SIGLEC6: variants seen among roughly 807,000 people sequenced by gnomAD.
The protein encoded by SIGLEC6 is sialic acid binding Ig like lectin 6, also known as sialic acid-binding Ig-like lectin 6.
SIGLEC6 carries 31 observed loss-of-function variants against 41.4 expected under a neutral mutation model. That is an observed-to-expected ratio of 0.75 (90% CI 0.56 to 1.01). SIGLEC6 has a LOEUF of 1.01. SIGLEC6 is among the 50% of genes least tolerant of loss of function. The probability of loss-of-function intolerance (pLI) is 0.00; values close to 1 mark genes in which losing one functional copy is unlikely to be tolerated. For synonymous variants in SIGLEC6, 217 were observed against 231.0 expected (o/e 0.94, Z 0.55); for missense variants, 555 against 558.6 (o/e 0.99, Z 0.06).
rs781633322 is a variant in SIGLEC6, at chr19:51,529,626, G to A, written c.1012+98C>T. The A allele has an allele frequency of 3.3e-6, 5 of 1,503,714 alleles. No homozygotes were observed. In the African/African-American group the frequency reaches 4.1e-5, roughly 12 times the overall value. The allele number at this position is 1,503,714 out of a possible 1,614,324, so 93.1% of individuals were successfully genotyped here. ...GGGTCCCAGCAGTTGTGAGGGGTCTGGGGAGGGAGGACAGGACTTAGCAGG... is the reference window on the plus strand; with the variant it reads ...GGGTCCCAGCAGTTGTGAGGGGTCTAGGGAGGGAGGACAGGACTTAGCAGG... On this transcript the variant is annotated intron_variant, in intron 5 of 7. Transcript: ENST00000425629.
chr19:51,523,971 T>C (rs575071847), intron 7 of SIGLEC6, among the ~76,000 whole-genome samples: 95 of 151,880 alleles, frequency 6.3e-4, no homozygotes, highest in Non-Finnish European at 2.8e-4. Flanking sequence ...TGCCGTGAGC[T>C]GAGATCGTGC....
rs372477252 is a variant in SIGLEC6, at chr19:51,529,845, G to A, written c.891C>T (p.Pro297=). The A allele has an allele frequency of 1.9e-6, 3 of 1,614,050 alleles. No individual in the cohort carries two copies. Among genetic ancestry groups the A allele is most frequent in the African/African-American group, 2.7e-5 (2 of 74,892 alleles). ...GCTCCAGGACCCCGGTATTGGAGATGGGGGTGGCGTTCAGGGCGGGGAAGC... is the reference window on the plus strand; with the variant it reads ...GCTCCAGGACCCCGGTATTGGAGATAGGGGTGGCGTTCAGGGCGGGGAAGC... The part of the protein sequence containing the change: ...FQGFPALNAT[P]ISNTGVLELP... The change falls in exon 5 of 8, where the codon CCC becomes CCT. Residue 297 remains proline, a synonymous_variant. Coordinates refer to ENST00000425629, the MANE Select transcript of SIGLEC6 (RefSeq NM_001245.7).
chr19:51,529,849 G>C lies in SIGLEC6; in HGVS notation c.887C>G (p.Thr296Ser), dbSNP rs754875725. ...CAGGACCCCGGTATTGGAGATGGGG[G>C]TGGCGTTCAGGGCGGGGAAGCCCTG... Reference protein sequence around the residue: ...WFQGFPALNATPISNTGVLEL... With the variant: ...WFQGFPALNASPISNTGVLEL... Residue 296 changes from threonine to serine, a missense_variant, in exon 5 of 8, where the codon ACC (threonine) becomes AGC (serine). Coordinates refer to ENST00000425629, the MANE Select transcript of SIGLEC6 (RefSeq NM_001245.7). 6.2e-7 allele frequency: 1 copy of C among 1,614,170 alleles called. No homozygotes were observed. Among genetic ancestry groups the C allele is most frequent in the Non-Finnish European group, 8.5e-7 (1 of 1,180,032 alleles).
chr19:51,523,345 A>G (rs997611157), intron 7 of SIGLEC6, among the ~76,000 whole-genome samples: 2 of 152,192 alleles, frequency 1.3e-5, no homozygotes, highest in African/African-American at 4.8e-5. Context: ...GTGGGACAAT[A>G]TCAAGCATTC....
At chr19:51,529,018 A>G (rs1043455865) in intron 5 of SIGLEC6, among the ~76,000 whole-genome samples, 1 of 149,342 alleles carries the variant, frequency 6.7e-6, no homozygotes, top group Non-Finnish European at 1.5e-5. Flanking sequence ...AAAAAAAAAA[A>G]GGGAAAATGT....
At position 51,519,918 on chromosome 19, in the gene SIGLEC6, G is replaced by A. The variant is rs1019018030; in HGVS notation, c.*164C>T. On this transcript the variant is annotated 3_prime_UTR_variant, in exon 8 of 8. Coordinates refer to ENST00000425629, the MANE Select transcript of SIGLEC6 (RefSeq NM_001245.7). ...AGAGGCCTTAGAAGGGACCAACCCT[G>A]ATAACACCTTGTTCTCAGACCTCTA... 5.5e-5 allele frequency: 30 copies of A among 543,134 alleles called. No homozygotes were observed. The highest frequency in any genetic ancestry group is 5.5e-4 in the African/African-American group (29 of 52,664). 33.6% of individuals were successfully genotyped at this position (543,134 alleles called of 1,614,324 possible).
At chr19:51,526,209 C>T (rs1447336108) in intron 7 of SIGLEC6, among the ~76,000 whole-genome samples, 1 of 152,176 alleles carries the variant, frequency 6.6e-6, no homozygotes, top group East Asian at 1.9e-4. Flanking sequence ...AAACAAAATG[C>T]CTGGGCTCAC....
At position 51,518,605 on chromosome 19, in the gene SIGLEC6, G is replaced by T. The variant is rs1252293474; in HGVS notation, c.*1477C>A. On this transcript the variant is annotated 3_prime_UTR_variant, in exon 8 of 8. Transcript: ENST00000425629. ...TCCACCCACCTCAGCCTCCCAAAGT[G>T]CTGGGATTACAGGCGTGAGCCACTG... Among the ~76,000 whole-genome samples, 3 of 152,212 alleles carry T rather than the reference G, an allele frequency of 2.0e-5. No homozygotes were observed. Among genetic ancestry groups the T allele is most frequent in the Non-Finnish European group, 4.4e-5 (3 of 68,040 alleles).
intron 5 of SIGLEC6, 148 bp downstream of exon 5, chr19:51,529,576 G>T: frequency 1.0e-6 from 1 of 967,668 alleles, no homozygotes; most frequent in Non-Finnish European, 1.5e-6. Context: ...CTGCAGTGTG[G>T]ACTCTAAGCC....
intron 7 of SIGLEC6, among the ~76,000 whole-genome samples, chr19:51,525,988 G>A (rs1420452173): frequency 1.3e-5 from 2 of 151,914 alleles, no homozygotes; most frequent in African/African-American, 4.8e-5. Context: ...GAGGAGCCCA[G>A]TCTCTCTTCC....
chr19:51,528,184 A>G lies in SIGLEC6; in HGVS notation c.1082T>C (p.Phe361Ser). ...CCTGAAGATGAAGCAAACACAGAGG[A>G]AAACCAGGGTTGTGATGCTAGCTCC... Reference protein sequence around the residue: ...VWGASITTLVFLCVCFIFRVK... With the variant: ...VWGASITTLVSLCVCFIFRVK... The change falls in exon 6 of 8, where the codon TTC (phenylalanine) becomes TCC (serine). Residue 361 changes from phenylalanine to serine, a missense_variant. Coordinates refer to ENST00000425629, the MANE Select transcript of SIGLEC6 (RefSeq NM_001245.7). 1.9e-6 allele frequency: 3 copies of G among 1,614,126 alleles called. No homozygotes were observed. The highest frequency in any genetic ancestry group is 2.5e-6 in the Non-Finnish European group (3 of 1,179,996).
intron 3 of SIGLEC6, 68 bp from the exon 4 acceptor site, chr19:51,530,552 C>G (rs778290808): frequency 1.2e-6 from 2 of 1,609,210 alleles, no homozygotes; most frequent in East Asian, 2.2e-5. Flanking sequence ...GCCTTCCCCT[C>G]AGGAGCCATG....
At position 51,520,006 on chromosome 19, in the gene SIGLEC6, T is replaced by C; in HGVS notation, c.*76A>G. The C allele has an allele frequency of 4.0e-6, 5 of 1,262,334 alleles. No homozygotes were observed. The highest frequency in any genetic ancestry group is 5.4e-6 in the Non-Finnish European group (5 of 925,220). The allele number at this position is 1,262,334 out of a possible 1,614,324, so 78.2% of individuals were successfully genotyped here. On this transcript the variant is annotated 3_prime_UTR_variant, in exon 8 of 8. Transcript: ENST00000425629. ...TGTCACTCGGTTTGTGGTACATTGC[T>C]GTGGCAGCCCTAGTAACCAATACAC...
chr19:51,526,007 C>T (rs1194004015), intron 7 of SIGLEC6, among the ~76,000 whole-genome samples: 1 of 152,102 alleles, frequency 6.6e-6, no homozygotes, highest in African/African-American at 2.4e-5. Flanking sequence ...CCCTGTGAGC[C>T]TCCAACCGTT....
intron 5 of SIGLEC6, 155 bp downstream of exon 5, chr19:51,529,569 C>T (rs963969087): frequency 5.7e-6 from 5 of 875,632 alleles, no homozygotes; most frequent in African/African-American, 5.0e-5. Flanking sequence ...GGAGCCACTG[C>T]AGTGTGGACT....
chr19:51,529,879 C>A lies in SIGLEC6; in HGVS notation c.857G>T (p.Trp286Leu). ...ADGNPPAHLS[W>L]FQGFPALNAT... Reference sequence around the variant, plus strand: ...GTTCAGGGCGGGGAAGCCCTGGAACCAGCTCAGGTGTGCAGGGGGGTTGCC... The same window carrying A: ...GTTCAGGGCGGGGAAGCCCTGGAACAAGCTCAGGTGTGCAGGGGGGTTGCC... The change falls in exon 5 of 8, where the codon TGG becomes TTG. Residue 286 changes from tryptophan to leucine, a missense_variant. Physicochemically the swap from Trp to Leu is moderately conservative, Grantham distance 61. Transcript: ENST00000425629. 1 of 1,614,142 alleles carries A rather than the reference C, an allele frequency of 6.2e-7. No individual in the cohort carries two copies. The highest frequency in any genetic ancestry group is 8.5e-7 in the Non-Finnish European group (1 of 1,180,008).
Position 51,519,296 on chromosome 19 carries a change from GAAAAAAAAA to G in SIGLEC6, c.*777_*785del, listed in dbSNP as rs10651662. On this transcript the variant is annotated 3_prime_UTR_variant, in exon 8 of 8. Transcript: ENST00000425629. ...GGAGATACAGCAAGACTCCATCTCA[GAAAAAAAAA>G]AAAAAAAAAAAAGCTAGCCAAAGCC... Among the ~76,000 whole-genome samples the G allele has an allele frequency of 1.1e-5, 1 of 90,752 alleles. No homozygotes were observed. The highest frequency in any genetic ancestry group is 2.0e-5 in the Non-Finnish European group (1 of 50,910). The allele number at this position is 90,752 out of a possible 152,430, so 59.5% of individuals were successfully genotyped here.
Position 51,531,570 on chromosome 19 carries a change from T to G in SIGLEC6, c.67+12A>C, listed in dbSNP as rs200166535. On this transcript the variant is annotated intron_variant, in intron 1 of 7. Transcript: ENST00000425629. Reference sequence around the variant, plus strand: ...GCCCAGCCCCACGGCACCTCTCCCCTGGCCCACTCACCTGCCCACAGCAGG... The same window carrying G: ...GCCCAGCCCCACGGCACCTCTCCCCGGGCCCACTCACCTGCCCACAGCAGG... 289 of 1,613,768 alleles carry G rather than the reference T, an allele frequency of 1.8e-4. 1 individual carries two copies. The highest frequency in any genetic ancestry group is 1.6e-4 in the Middle Eastern group (1 of 6,080).
chr19:51,523,205 G>C (rs1172364075), intron 7 of SIGLEC6, among the ~76,000 whole-genome samples: 1 of 152,038 alleles, frequency 6.6e-6, no homozygotes, highest in Non-Finnish European at 1.5e-5. Flanking sequence ...AAAAAGAAAA[G>C]CTAATAGCAG....
Sources: allele counts gnomAD v4.1 joint callset (sites outside exome capture counted in the v4.1 genomes callset), GRCh38; gene constraint gnomAD v4.1.1; transcripts MANE v1.5; gene names NCBI Gene and HGNC (gene_info 2026-07-23, HGNC 2026-07-21).